Variants in TENM3 observed in about 807,000 individuals in gnomAD.
TENM3 encodes teneurin-3.
In TENM3, 63 loss-of-function variants were observed where a neutral mutation model predicts 255.1. The observed-to-expected ratio is 0.25, with a 90% CI of 0.20 to 0.30. The LOEUF (loss-of-function observed/expected upper bound fraction) is 0.30. TENM3 is among the 10% of genes least tolerant of loss of function. The pLI, the probability that TENM3 is intolerant of heterozygous loss-of-function variation, is 1.00. For missense variants in TENM3, 2,929 were observed against 3,461.1 expected (o/e 0.85, Z 3.86); for synonymous variants, 1,306 against 1,322.3 (o/e 0.99, Z 0.27).
intron 1 of TENM3, among the ~76,000 whole-genome samples, chr4:182,202,053 C>T (rs1754215604): frequency 6.6e-6 from 1 of 152,126 alleles, no homozygotes; most frequent in Admixed American, 6.5e-5. Flanking sequence ...GTGTGAAGCA[C>T]ATTCATTCAT....
intron 3 of TENM3, among the ~76,000 whole-genome samples, chr4:182,430,052 C>T (rs978477363): frequency 2.0e-5 from 3 of 152,208 alleles, no homozygotes; most frequent in Non-Finnish European, 4.4e-5. Flanking sequence ...TTAGTTTTCA[C>T]CATTCTTCAA....
intron 1 of TENM3, among the ~76,000 whole-genome samples, chr4:182,252,358 T>G (rs1303050219): frequency 1.3e-5 from 2 of 152,188 alleles, no homozygotes; most frequent in Non-Finnish European, 2.9e-5. Context: ...ATCAGTTGTA[T>G]GCTGCTGTGA....
At chr4:182,544,802 G>GA (rs1382283741) in intron 3 of TENM3, among the ~76,000 whole-genome samples, 2 of 152,282 alleles carry the variant, frequency 1.3e-5, no homozygotes, top group Non-Finnish European at 2.9e-5. Flanking sequence ...TAGGGACTTG[G>GA]AGTCAAATAT....
intron 3 of TENM3, among the ~76,000 whole-genome samples, chr4:182,379,285 G>C (rs150508930): frequency 6.5e-4 from 57 of 87,156 alleles, no homozygotes; most frequent in African/African-American, 2.7e-3. Context: ...TGAACCCGGG[G>C]AGTGGAGGTT....
intron 1 of TENM3, among the ~76,000 whole-genome samples, chr4:182,312,967 T>G (rs951685192): frequency 4.6e-5 from 7 of 152,338 alleles, no homozygotes; most frequent in African/African-American, 1.7e-4. Context: ...TACTAGTGTC[T>G]ATTAAATTTT....
At chr4:182,033,987 C>T in the TENM3 span, among the ~76,000 whole-genome samples, 1 of 152,094 alleles carries the variant, frequency 6.6e-6, no homozygotes, top group Non-Finnish European at 1.5e-5. Flanking sequence ...AGACACACCC[C>T]AGACTGGGTA....
chr4:181,570,634 AAG>A, the TENM3 span, among the ~76,000 whole-genome samples: 5 of 147,470 alleles, frequency 3.4e-5, no homozygotes, highest in Non-Finnish European at 6.0e-5. Flanking sequence ...AAAGGAAAGA[AAG>A]AGAGAGAGAG....
the TENM3 span, among the ~76,000 whole-genome samples, chr4:181,506,474 GA>G: frequency 7.2e-5 from 11 of 152,044 alleles, no homozygotes; most frequent in East Asian, 2.1e-3. Flanking sequence ...AAAAAGCTGG[GA>G]AAAAATATCA....
At chr4:182,264,661 G>A (rs1206196273) in intron 1 of TENM3, among the ~76,000 whole-genome samples, 2 of 152,122 alleles carry the variant, frequency 1.3e-5, no homozygotes, top group African/African-American at 2.4e-5. Context: ...TTATCTGCAT[G>A]ACCTTGTCTT....
At chr4:182,179,293 TTACATA>T (rs1167354778) in intron 1 of TENM3, among the ~76,000 whole-genome samples, 3 of 152,178 alleles carry the variant, frequency 2.0e-5, no homozygotes, top group Non-Finnish European at 4.4e-5. Flanking sequence ...CAGTGCCCAT[TTACATA>T]ATGCCTGTTC....
chr4:181,685,744 G>T, the TENM3 span, among the ~76,000 whole-genome samples: 1 of 151,826 alleles, frequency 6.6e-6, no homozygotes, highest in Non-Finnish European at 1.5e-5. Flanking sequence ...TTGCAAATGT[G>T]CTTATGTCCC....
intron 4 of TENM3, among the ~76,000 whole-genome samples, chr4:182,626,391 G>T (rs1234277245): frequency 6.6e-6 from 1 of 152,156 alleles, no homozygotes; most frequent in Non-Finnish European, 1.5e-5. Flanking sequence ...ATGTGATTTT[G>T]AGCAAAATAA....
the TENM3 span, among the ~76,000 whole-genome samples, chr4:182,000,509 A>T: frequency 3.3e-4 from 50 of 152,176 alleles, no homozygotes; most frequent in Non-Finnish European, 5.7e-4. Context: ...GTCTCTACTT[A>T]TCCCTTGCAA....
At chr4:182,787,862 T>C (rs1482530513) in intron 24 of TENM3, among the ~76,000 whole-genome samples, 1 of 151,952 alleles carries the variant, frequency 6.6e-6, no homozygotes, top group Non-Finnish European at 1.5e-5. Flanking sequence ...CTTATCGAGC[T>C]GCCATTCCAC....
At chr4:181,492,543 A>G in the TENM3 span, among the ~76,000 whole-genome samples, 13,184 of 152,322 alleles carry the variant, frequency 0.087, 769 homozygotes, top group Middle Eastern at 0.21. Flanking sequence ...CATTAACATA[A>G]CGGTGCTTCT....
intron 3 of TENM3, among the ~76,000 whole-genome samples, chr4:182,482,105 T>A (rs1436470344): frequency 6.6e-6 from 1 of 152,182 alleles, no homozygotes; most frequent in Non-Finnish European, 1.5e-5. Flanking sequence ...CCACCAATTA[T>A]ACATTGAATT....
intron 24 of TENM3, among the ~76,000 whole-genome samples, chr4:182,785,953 T>C (rs58054586): frequency 0.02 from 2,975 of 152,180 alleles, 93 homozygotes; most frequent in African/African-American, 0.067. Flanking sequence ...TCTTTTGAAA[T>C]GTTCCGTACT....
chr4:181,878,706 A>G, the TENM3 span, among the ~76,000 whole-genome samples: 2 of 151,884 alleles, frequency 1.3e-5, no homozygotes, highest in African/African-American at 4.8e-5. Flanking sequence ...CTGTCTATAT[A>G]CCTATTCATC....
the TENM3 span, among the ~76,000 whole-genome samples, chr4:181,893,598 T>C: frequency 6.6e-6 from 1 of 150,474 alleles, no homozygotes; most frequent in Admixed American, 6.7e-5. Flanking sequence ...ATATCATCTG[T>C]GTAATGTAAA....
Sources: gnomAD v4.1 joint callset for allele counts (sites outside exome capture counted in the v4.1 genomes callset) on GRCh38, gnomAD v4.1.1 for gene constraint, MANE v1.5 for transcripts, NCBI Gene and HGNC (gene_info 2026-07-23, HGNC 2026-07-21) for gene names.